CDK14: variants seen among roughly 807,000 people sequenced by gnomAD.
The protein encoded by CDK14 is cyclin-dependent kinase 14.
A neutral mutation model predicts 60.7 loss-of-function variants in CDK14; 34 were observed. That is an observed-to-expected ratio of 0.56 (90% CI 0.43 to 0.75). The LOEUF is 0.75. Among genes scored for constraint, CDK14 ranks in the 30% least tolerant of loss-of-function variants. The pLI, the probability that CDK14 is intolerant of heterozygous loss-of-function variation, is 0.00. For synonymous variants in CDK14, 197 were observed against 203.7 expected, an observed-to-expected ratio of 0.97 and a Z score of 0.28; for missense variants, 482 against 564.1, an observed-to-expected ratio of 0.85 and a Z score of 1.47.
chr7:91,112,045 G>C (rs969011227), intron 12 of CDK14, among the ~76,000 whole-genome samples: 2 of 152,086 alleles, frequency 1.3e-5, no homozygotes, highest in East Asian at 3.9e-4. Flanking sequence ...ATTTGACAGG[G>C]CACTGTTTCA....
At chr7:90,920,648 C>G (rs1236106282) in intron 8 of CDK14, among the ~76,000 whole-genome samples, 1 of 152,192 alleles carries the variant, frequency 6.6e-6, no homozygotes, top group Non-Finnish European at 1.5e-5. Context: ...GATATTTTCT[C>G]TTACAGGGCT....
At chr7:91,015,620 C>T (rs904098178) in intron 10 of CDK14, among the ~76,000 whole-genome samples, 6 of 149,508 alleles carry the variant, frequency 4.0e-5, no homozygotes, top group Admixed American at 1.3e-4. Context: ...CTCCGCCTCC[C>T]GGGTTCAAGC....
chr7:90,836,992 A>C (rs1790124245), intron 5 of CDK14, among the ~76,000 whole-genome samples: 1 of 152,232 alleles, frequency 6.6e-6, no homozygotes. Flanking sequence ...ATTCTTTTGA[A>C]ATACAAGTTA....
chr7:90,943,616 T>G (rs763451851), intron 8 of CDK14, among the ~76,000 whole-genome samples: 5 of 152,212 alleles, frequency 3.3e-5, no homozygotes, highest in African/African-American at 4.8e-5. Context: ...ATTAATAGAC[T>G]TGTATTTTTA....
intron 4 of CDK14, among the ~76,000 whole-genome samples, chr7:90,786,377 T>G (rs1805582518): frequency 1.3e-5 from 2 of 152,198 alleles, no homozygotes; most frequent in Non-Finnish European, 1.5e-5. Flanking sequence ...ATCTTCAATG[T>G]TTTTCTGTAA....
chr7:90,650,455 T>G (rs1800607420), intron 2 of CDK14, among the ~76,000 whole-genome samples: 1 of 152,236 alleles, frequency 6.6e-6, no homozygotes, highest in African/African-American at 2.4e-5. Context: ...AGAAGCTCTT[T>G]AGTTTAATTA....
chr7:91,049,628 G>A (rs1037660138), intron 11 of CDK14, among the ~76,000 whole-genome samples: 7 of 152,112 alleles, frequency 4.6e-5, no homozygotes, highest in Non-Finnish European at 1.0e-4. Context: ...TTGCTTTATG[G>A]CTATGATCTA....
chr7:90,908,604 T>C (rs1463394575), intron 7 of CDK14, among the ~76,000 whole-genome samples: 1 of 152,130 alleles, frequency 6.6e-6, no homozygotes, highest in East Asian at 1.9e-4. Context: ...ACGACCCCTT[T>C]GTTTCCATGT....
intron 12 of CDK14, among the ~76,000 whole-genome samples, chr7:91,111,686 T>C (rs1189050414): frequency 6.6e-6 from 1 of 152,146 alleles, no homozygotes; most frequent in East Asian, 1.9e-4. Flanking sequence ...ATACGAGTGT[T>C]AAAAGTGCCT....
At chr7:90,672,571 G>A (rs1801120549) in intron 2 of CDK14, among the ~76,000 whole-genome samples, 2 of 130,022 alleles carry the variant, frequency 1.5e-5, no homozygotes, top group South Asian at 5.1e-4. Flanking sequence ...CCAGGCTGGA[G>A]TGCCATGGTG....
At chr7:91,000,181 A>T (rs931582735) in intron 10 of CDK14, among the ~76,000 whole-genome samples, 3 of 152,172 alleles carry the variant, frequency 2.0e-5, no homozygotes. Context: ...TTGCTTTTTG[A>T]CTTACCATCC....
At chr7:90,999,726 A>G (rs1461697365) in intron 10 of CDK14, among the ~76,000 whole-genome samples, 1 of 152,208 alleles carries the variant, frequency 6.6e-6, no homozygotes, top group Non-Finnish European at 1.5e-5. Flanking sequence ...ATTTGAGCAG[A>G]GCTGTGTCAA....
intron 5 of CDK14, among the ~76,000 whole-genome samples, chr7:90,842,266 C>A (rs1246574223): frequency 1.3e-5 from 2 of 152,136 alleles, no homozygotes; most frequent in Admixed American, 1.3e-4. Flanking sequence ...CATTAGGCAT[C>A]TAATTTCACT....
intron 2 of CDK14, among the ~76,000 whole-genome samples, chr7:90,699,628 C>T (rs1465373961): frequency 2.0e-5 from 3 of 152,204 alleles, no homozygotes; most frequent in Non-Finnish European, 4.4e-5. Flanking sequence ...TCTCTTTCCT[C>T]CTTATCAAAC....
chr7:90,654,716 A>T lies in CDK14; in HGVS notation c.123+50467A>T, dbSNP rs914469915. Among the ~76,000 whole-genome samples the T allele has an allele frequency of 3.3e-5, 5 of 152,308 alleles. No individual in the cohort carries two copies. The East Asian group carries it at 9.6e-4, about 29-fold the overall frequency. On this transcript the variant is annotated intron_variant, in intron 2 of 14. Transcript: ENST00000380050. ...TTCAGTTTACAGGAAAATTGAACAGAAAGTACAGAGTTCCCATGTTACTTC... is the reference window on the plus strand; with the variant it reads ...TTCAGTTTACAGGAAAATTGAACAGTAAGTACAGAGTTCCCATGTTACTTC...
chr7:90,759,995 A>G (rs1001813065), intron 4 of CDK14, among the ~76,000 whole-genome samples: 1 of 152,220 alleles, frequency 6.6e-6, no homozygotes, highest in African/African-American at 2.4e-5. Flanking sequence ...TCAGAGGTCA[A>G]TGAGAACAAT....
intron 10 of CDK14, among the ~76,000 whole-genome samples, chr7:91,040,317 A>G (rs1424956304): frequency 6.6e-6 from 1 of 152,106 alleles, no homozygotes; most frequent in African/African-American, 2.4e-5. Context: ...TCTTCTGGGA[A>G]CTTCATACCA....
chr7:91,194,426 G>T (rs187351511), intron 14 of CDK14, among the ~76,000 whole-genome samples: 2 of 151,836 alleles, frequency 1.3e-5, no homozygotes, highest in African/African-American at 4.8e-5. Context: ...GAGCTGATTG[G>T]GCTGATTTTT....
At chr7:90,913,103 A>G (rs1187779530) in intron 7 of CDK14, among the ~76,000 whole-genome samples, 1 of 152,294 alleles carries the variant, frequency 6.6e-6, no homozygotes, top group East Asian at 1.9e-4. Flanking sequence ...TTGTTCTCAC[A>G]GGGTCTTCTG....
Sources: allele counts gnomAD v4.1 joint callset (sites outside exome capture counted in the v4.1 genomes callset), GRCh38; gene constraint gnomAD v4.1.1; transcripts MANE v1.5; gene names NCBI Gene and HGNC (gene_info 2026-07-23, HGNC 2026-07-21).